Variants in NXPH1 observed in about 807,000 individuals in gnomAD.
NXPH1 encodes neurexophilin 1, also known as neurexophilin-1.
In NXPH1, 5 loss-of-function variants were observed where a neutral mutation model predicts 23.7. The observed-to-expected ratio is 0.21, with a 90% CI of 0.11 to 0.44. The LOEUF (loss-of-function observed/expected upper bound fraction) is 0.44, where lower values mean the gene tolerates loss of function less well. Ranked by LOEUF, NXPH1 falls within the 20% of genes least tolerant of loss-of-function variation. NXPH1 has a pLI of 0.99. For missense variants in NXPH1, 324 were observed against 321.6 expected, an observed-to-expected ratio of 1.01 and a Z score of -0.06; for synonymous variants, 144 against 122.2, an observed-to-expected ratio of 1.18 and a Z score of -1.18.
chr7:8,555,240 C>A (rs1022183110), intron 2 of NXPH1, among the ~76,000 whole-genome samples: 1 of 151,688 alleles, frequency 6.6e-6, no homozygotes, highest in Non-Finnish European at 1.5e-5. Flanking sequence ...TTCTGCTCAG[C>A]ACTCCATTGG....
chr7:8,454,460 C>T (rs1426251964), intron 2 of NXPH1, among the ~76,000 whole-genome samples: 2 of 152,090 alleles, frequency 1.3e-5, no homozygotes, highest in African/African-American at 2.4e-5. Context: ...TCTCCTTCTA[C>T]AGGATGTTTC....
At chr7:8,619,389 A>G (rs1819815544) in intron 2 of NXPH1, among the ~76,000 whole-genome samples, 1 of 152,150 alleles carries the variant, frequency 6.6e-6, no homozygotes, top group Non-Finnish European at 1.5e-5. Context: ...TTATGTGTCC[A>G]TTGCCAACTC....
chr7:8,564,720 C>A (rs1285450319), intron 2 of NXPH1, among the ~76,000 whole-genome samples: 1 of 151,786 alleles, frequency 6.6e-6, no homozygotes, highest in Non-Finnish European at 1.5e-5. Flanking sequence ...AGAACTCAAT[C>A]CAGGTGAAGT....
At chr7:8,589,497 T>A (rs1819047180) in intron 2 of NXPH1, among the ~76,000 whole-genome samples, 1 of 151,404 alleles carries the variant, frequency 6.6e-6, no homozygotes, top group South Asian at 2.1e-4. Context: ...GGTGGAAGAG[T>A]GGTTTCTGAG....
chr7:8,457,073 A>C (rs555885961), intron 2 of NXPH1, among the ~76,000 whole-genome samples: 1 of 152,282 alleles, frequency 6.6e-6, no homozygotes, highest in South Asian at 2.1e-4. Context: ...GGGTTTTTAA[A>C]AACATTGTGT....
intron 2 of NXPH1, among the ~76,000 whole-genome samples, chr7:8,689,599 A>G (rs1821196879): frequency 6.6e-6 from 1 of 152,174 alleles, no homozygotes; most frequent in Non-Finnish European, 1.5e-5. Flanking sequence ...AGAAGAATGA[A>G]GCTGAACCAT....
At position 8,513,630 on chromosome 7, in the gene NXPH1, A is replaced by T. The variant is rs545685653; in HGVS notation, c.54+77863A>T. On this transcript the variant is annotated intron_variant, in intron 2 of 2. Transcript: ENST00000405863. ...ACCTTTGAGTAGCTACCAACATTGC[A>T]TTATGGTTTGGGGGAACAAGGAACA... Among the ~76,000 whole-genome samples, 7 of 152,202 alleles carry T rather than the reference A, an allele frequency of 4.6e-5. 1 individual carries two copies. Among genetic ancestry groups the T allele is most frequent in the Admixed American group, 4.6e-4 (7 of 15,274 alleles).
chr7:8,619,535 C>A (rs150667310), intron 2 of NXPH1, among the ~76,000 whole-genome samples: 7 of 152,260 alleles, frequency 4.6e-5, no homozygotes, highest in African/African-American at 1.7e-4. Context: ...CATATCCTGG[C>A]TAACCTCATT....
At chr7:8,471,751 C>A (rs1055494827) in intron 2 of NXPH1, among the ~76,000 whole-genome samples, 2 of 152,050 alleles carry the variant, frequency 1.3e-5, no homozygotes, top group African/African-American at 4.8e-5. Flanking sequence ...AAAACAAGTA[C>A]GCTATTACTC....
chr7:8,731,996 C>T (rs1237368671), intron 2 of NXPH1, among the ~76,000 whole-genome samples: 2 of 152,216 alleles, frequency 1.3e-5, no homozygotes, highest in Non-Finnish European at 2.9e-5. Flanking sequence ...CAGCAAGACT[C>T]CGCGGGCATA....
intron 2 of NXPH1, among the ~76,000 whole-genome samples, chr7:8,683,082 T>C (rs908154767): frequency 1.3e-5 from 2 of 152,210 alleles, no homozygotes; most frequent in Non-Finnish European, 2.9e-5. Context: ...GCAGGAAACA[T>C]GACACCAGCA....
chr7:8,745,719 A>ATTTTTTTTTTTTT (rs56019801), intron 2 of NXPH1, among the ~76,000 whole-genome samples: 117 of 111,800 alleles, frequency 1.0e-3, no homozygotes, highest in Non-Finnish European at 1.4e-3. Context: ...CGCCCAGCTA[A>ATTTTTTTTTTTTT]TTTTTTTTTT....
At position 8,488,168 on chromosome 7, in the gene NXPH1, C is replaced by A. The variant is rs116287496; in HGVS notation, c.54+52401C>A. On this transcript the variant is annotated intron_variant, in intron 2 of 2. Coordinates refer to ENST00000405863, the MANE Select transcript of NXPH1 (RefSeq NM_152745.3). ...TCTCATGAACACATTTTATGGAAAGCATTATCCTACAGTAGGTAACTTTTC... is the reference window on the plus strand; with the variant it reads ...TCTCATGAACACATTTTATGGAAAGAATTATCCTACAGTAGGTAACTTTTC... Among the ~76,000 whole-genome samples the A allele has an allele frequency of 5.4e-3, 829 of 152,180 alleles. 7 individuals carry two copies. The highest frequency in any genetic ancestry group is 0.019 in the African/African-American group (803 of 41,534).
intron 2 of NXPH1, among the ~76,000 whole-genome samples, chr7:8,528,090 A>G (rs1331823842): frequency 6.6e-6 from 1 of 152,250 alleles, no homozygotes; most frequent in East Asian, 1.9e-4. Flanking sequence ...GATGGTTCGA[A>G]TGAGAGAGAG....
chr7:8,567,402 G>A (rs1025218480), intron 2 of NXPH1, among the ~76,000 whole-genome samples: 1 of 151,866 alleles, frequency 6.6e-6, no homozygotes, highest in African/African-American at 2.4e-5. Context: ...ATTTCTTTGT[G>A]GAAAAGGCTG....
At chr7:8,499,529 G>T (rs1013536016) in intron 2 of NXPH1, among the ~76,000 whole-genome samples, 8 of 152,090 alleles carry the variant, frequency 5.3e-5, no homozygotes, top group African/African-American at 1.9e-4. Flanking sequence ...TTGTAGTTTG[G>T]TTAATTATTG....
At chr7:8,688,208 T>C (rs1821175583) in intron 2 of NXPH1, among the ~76,000 whole-genome samples, 1 of 152,164 alleles carries the variant, frequency 6.6e-6, no homozygotes, top group Non-Finnish European at 1.5e-5. Context: ...CTCTAGGATC[T>C]GATGTTCTTG....
At chr7:8,538,549 A>G (rs1460543724) in intron 2 of NXPH1, among the ~76,000 whole-genome samples, 2 of 151,928 alleles carry the variant, frequency 1.3e-5, no homozygotes, top group Non-Finnish European at 1.5e-5. Context: ...TGTAGTAAGG[A>G]TAAAAGACAT....
At chr7:8,710,931 G>A (rs993230476) in intron 2 of NXPH1, among the ~76,000 whole-genome samples, 8 of 114,908 alleles carry the variant, frequency 7.0e-5, no homozygotes, top group Non-Finnish European at 1.1e-4. Context: ...CAAAGTGCTG[G>A]GACTACAGGC....
Sources: gnomAD v4.1 joint callset for allele counts (sites outside exome capture counted in the v4.1 genomes callset) on GRCh38, gnomAD v4.1.1 for gene constraint, MANE v1.5 for transcripts, NCBI Gene and HGNC (gene_info 2026-07-23, HGNC 2026-07-21) for gene names.